Variants in MELTF observed in about 807,000 individuals in gnomAD.
MELTF encodes melanotransferrin.
A neutral mutation model predicts 83.7 loss-of-function variants in MELTF; 67 were observed. That is an observed-to-expected ratio of 0.80 (90% CI 0.66 to 0.98). The LOEUF (loss-of-function observed/expected upper bound fraction) is 0.98. MELTF is among the 50% of genes least tolerant of loss of function. The pLI is 0.00. For synonymous variants in MELTF, 462 were observed against 447.6 expected (o/e 1.03, Z -0.41); for missense variants, 1,002 against 1,035.6 (o/e 0.97, Z 0.44).
In MELTF at chr3:197,027,869, G is replaced by C; in HGVS notation, c.91C>G (p.Pro31Ala). Residue 31 changes from proline (P) to alanine (A), a missense_variant, in exon 2 of 16, where the codon CCA becomes GCA. Physicochemically the swap from Pro to Ala is conservative, Grantham distance 27. Transcript: ENST00000296350. Reference sequence around the variant, plus strand: ...ATGTTGCCGCACTTGTGCTGCTCTGGGTCCGAGGTGGCGCACCACCGCACC... The same window carrying C: ...ATGTTGCCGCACTTGTGCTGCTCTGCGTCCGAGGTGGCGCACCACCGCACC... Reference protein sequence around the residue: ...MEVRWCATSDPEQHKCGNMSE... With the variant: ...MEVRWCATSDAEQHKCGNMSE... 1.2e-6 allele frequency: 2 copies of C among 1,607,748 alleles called. No individual in the cohort carries two copies. Among genetic ancestry groups the C allele is most frequent in the African/African-American group, 1.3e-5 (1 of 74,948 alleles).
chr3:197,026,790 GC>G, intron 2 of MELTF, 31 bp from the exon 3 acceptor site: 1 of 1,595,464 alleles, frequency 6.3e-7, no homozygotes, highest in Non-Finnish European at 8.6e-7. Context: ...GCCAAGCCTG[GC>G]CCAGCTGGCC....
rs1367350311 is a variant in MELTF at position 197,027,767 on chromosome 3, G to A, written c.193C>T (p.Gln65Ter). ...VRGTSADHCV[Q>*]LIAAQEADAI... ...GGGAGAGGACTCACCGCGATGAGCTGGACGCAGTGGTCGGCGGAGGTGCCC... is the reference window on the plus strand; with the variant it reads ...GGGAGAGGACTCACCGCGATGAGCTAGACGCAGTGGTCGGCGGAGGTGCCC... Residue 65 changes from glutamine (Q) to a stop codon, truncating the protein, a stop_gained, in exon 2 of 16, where the codon CAG becomes TAG. Transcript: ENST00000296350. LOFTEE classifies it high-confidence loss of function. 2 of 1,610,142 alleles carry A rather than the reference G, an allele frequency of 1.2e-6. No individual in the cohort carries two copies. The highest frequency in any genetic ancestry group is 1.7e-5 in the Admixed American group (1 of 59,864).
At chr3:197,026,796 C>A (rs1238208425) in intron 2 of MELTF, 37 bp from the exon 3 acceptor site, 2 of 1,590,648 alleles carry the variant, frequency 1.3e-6, no homozygotes, top group Non-Finnish European at 1.7e-6. Context: ...CCTGGCCCAG[C>A]TGGCCTGCTC....
intron 9 of MELTF, 46 bp from the exon 10 acceptor site, chr3:197,010,840 G>A (rs749090359): frequency 6.4e-7 from 1 of 1,563,304 alleles, no homozygotes; most frequent in Non-Finnish European, 8.8e-7. Context: ...GGCCCAGGAT[G>A]GCTCTGGATG....
chr3:197,003,254 C>T lies in MELTF; in HGVS notation c.*118G>A, dbSNP rs896937313. ...GTGGGCGGCGGGGCTCCCGGGGAGG[C>T]GCCTGCTCCCGCCCACGCCGGGCCC... On this transcript the variant is annotated 3_prime_UTR_variant, in exon 16 of 16. Transcript: ENST00000296350. This position sits in a 1 kb window ranked among gnomAD's most constrained non-coding sequence, Gnocchi z 6.2. 13 of 1,010,648 alleles carry T rather than the reference C, an allele frequency of 1.3e-5. No homozygotes were observed. The highest frequency in any genetic ancestry group is 4.7e-5 in the South Asian group (1 of 21,424). The allele number at this position is 1,010,648 out of a possible 1,614,324, so 62.6% of individuals were successfully genotyped here.
intron 1 of MELTF, chr3:197,028,159 A>T: frequency 2.1e-6 from 1 of 485,278 alleles, no homozygotes. Flanking sequence ...CCGGCCCTTT[A>T]TGGAGGAATG....
In MELTF at chr3:197,009,760, G is replaced by C; in HGVS notation, c.1383C>G (p.Ser461Arg). 6.2e-7 allele frequency: 1 copy of C among 1,613,472 alleles called. No individual in the cohort carries two copies. Among genetic ancestry groups the C allele is most frequent in the East Asian group, 2.2e-5 (1 of 44,886 alleles). The change falls in exon 11 of 16, where the codon AGC becomes AGG. Residue 461 changes from serine to arginine, a missense_variant. Ser to Arg is a moderately radical substitution (Grantham distance 110). Transcript: ENST00000296350. The stretch of plus-strand genomic sequence containing the variant: ...GCTCATCCAAGGTGAAGGCGTGGGA[G>C]CTGTCCCGTCTCACCACGGCCACCA... ...YYVVAVVRRD[S>R]SHAFTLDELR...
intron 11 of MELTF, 149 bp from the exon 12 acceptor site, chr3:197,009,114 G>C: frequency 2.2e-6 from 2 of 893,506 alleles, no homozygotes; most frequent in South Asian, 3.3e-5. Flanking sequence ...GCTCTGAGTG[G>C]AGTGTCTCCT....
At chr3:197,012,420 T>A (rs1719219400) in intron 9 of MELTF, among the ~76,000 whole-genome samples, 1 of 152,236 alleles carries the variant, frequency 6.6e-6, no homozygotes, top group Non-Finnish European at 1.5e-5. Flanking sequence ...GTGTGGGGCA[T>A]ACGGGGAGTG....
At chr3:197,021,559 G>T in intron 5 of MELTF, 88 bp from the exon 6 acceptor site, 2 of 1,297,610 alleles carry the variant, frequency 1.5e-6, no homozygotes, top group Non-Finnish European at 2.2e-6. Flanking sequence ...GGGCTGTAGG[G>T]GTGGCCATGA....
intron 3 of MELTF, among the ~76,000 whole-genome samples, chr3:197,025,102 C>T (rs549446036): frequency 6.2e-4 from 95 of 152,354 alleles, no homozygotes; most frequent in African/African-American, 1.4e-3. Flanking sequence ...CCTTGCAAAG[C>T]GTTCCCCTGT....
At chr3:197,023,187 G>C (rs1194583120) in intron 4 of MELTF, 74 bp from the exon 5 acceptor site, 2 of 1,496,626 alleles carry the variant, frequency 1.3e-6, no homozygotes, top group Admixed American at 3.5e-5. Flanking sequence ...GGGTCAGCAG[G>C]GGGCCCGGGC....
rs1012905984 is a variant in MELTF at position 197,006,036 on chromosome 3, C to T, written c.1938+513G>A. 2.6e-5 allele frequency among the ~76,000 whole-genome samples: 4 copies of T among 152,128 alleles called. No homozygotes were observed. The highest frequency in any genetic ancestry group is 2.1e-4 in the South Asian group (1 of 4,812). ...GAGATCGAGACCATCCTGGCTAACA[C>T]GGTGAAACCCCTTCTCTACTAAAAA... On this transcript the variant is annotated intron_variant, in intron 14 of 15. Transcript: ENST00000296350. The surrounding 1 kb of genome is among the most constrained non-coding windows in gnomAD (Gnocchi z 5.4).
chr3:197,013,791 C>T (rs1236819751), intron 9 of MELTF, among the ~76,000 whole-genome samples: 1 of 152,176 alleles, frequency 6.6e-6, no homozygotes, highest in African/African-American at 2.4e-5. Context: ...AAATCAAAGC[C>T]ACAGTGAGGT....
In MELTF at chr3:197,006,719, A is replaced by G. The variant is rs868470700; in HGVS notation, c.1768T>C (p.Trp590Arg). The change falls in exon 14 of 16, where the codon TGG (tryptophan) becomes CGG (arginine). Residue 590 changes from tryptophan (W) to arginine (R), a missense_variant. Transcript: ENST00000296350. The surrounding 1 kb of genome is among the most constrained non-coding windows in gnomAD (Gnocchi z 5.4). ...TCCTCTGACCTGAGCTCAGCAGCCCAGGGCTCGGAATTGTGGCCTGAGGGG... is the reference window on the plus strand; with the variant it reads ...TCCTCTGACCTGAGCTCAGCAGCCCGGGGCTCGGAATTGTGGCCTGAGGGG... ...DNTNGHNSEP[W>R]AAELRSEDYE... 4 of 1,540,394 alleles carry G rather than the reference A, an allele frequency of 2.6e-6. No homozygotes were observed. The Middle Eastern group carries it at 7.0e-4, about 270-fold the overall frequency.
At chr3:197,009,837 GGGGCCCCTCATCTGAGAGCCC>G (rs764493565) in intron 10 of MELTF, 25 bp from the exon 11 acceptor site, 19 of 1,598,310 alleles carry the variant, frequency 1.2e-5, no homozygotes, top group South Asian at 3.3e-5. Context: ...ACTCACGTGA[GGGGCCCCTCATCTGAGAGCCC>G]GGGCAAGTGC....
intron 5 of MELTF, among the ~76,000 whole-genome samples, chr3:197,021,737 A>T (rs1344868489): frequency 6.6e-6 from 1 of 152,140 alleles, no homozygotes; most frequent in Non-Finnish European, 1.5e-5. Context: ...CTTATAATCC[A>T]GTATGGACCC....
At position 197,002,333 on chromosome 3, in the gene MELTF, G is replaced by A. The variant is rs1718767394; in HGVS notation, c.*1039C>T. On this transcript the variant is annotated 3_prime_UTR_variant, in exon 16 of 16. Transcript: ENST00000296350. ...TTCTCTTCCTCTTCATTTTTTTTAA[G>A]GGCTGCCAGTTCTGGAAACTTTTTC... 1 of 152,286 alleles carries A rather than the reference G, an allele frequency of 6.6e-6. No homozygotes were observed. Among genetic ancestry groups the A allele is most frequent in the Admixed American group, 6.5e-5 (1 of 15,294 alleles). The allele number at this position is 152,286 out of a possible 1,614,324, so 9.4% of individuals were successfully genotyped here.
At chr3:197,026,396 C>T (rs73893755) in intron 3 of MELTF, 7,073 of 476,658 alleles carry the variant, frequency 0.015, 179 homozygotes, top group South Asian at 0.05. Flanking sequence ...CCCGGGACAG[C>T]CCGCAGTAAG....
Sources: allele counts gnomAD v4.1 joint callset (sites outside exome capture counted in the v4.1 genomes callset), GRCh38; gene constraint gnomAD v4.1.1; non-coding constraint Gnocchi (gnomAD v3.1); transcripts MANE v1.5; gene names NCBI Gene and HGNC (gene_info 2026-07-23, HGNC 2026-07-21).